The following MACF1 variants were observed in gnomAD, a reference collection of about 807,000 sequenced individuals.
The protein encoded by MACF1 is microtubule actin crosslinking factor 1, also known as microtubule-actin cross-linking factor 1.
MACF1 carries 193 observed loss-of-function variants against 854.8 expected under a neutral mutation model. The observed-to-expected ratio is 0.23, with a 90% CI of 0.20 to 0.25. The LOEUF is 0.25. MACF1 is among the 10% of genes least tolerant of loss of function. The pLI, the probability that MACF1 is intolerant of heterozygous loss-of-function variation, is 1.00. For synonymous variants in MACF1, 3,185 were observed against 3,226.7 expected (o/e 0.99, Z 0.44); for missense variants, 7,722 against 8,929.1 (o/e 0.86, Z 5.45).
At position 39,444,775 on chromosome 1, in the gene MACF1, G is replaced by C; in HGVS notation, c.19545G>C (p.Gln6515His). 5 of 1,614,070 alleles carry C rather than the reference G, an allele frequency of 3.1e-6. No homozygotes were observed. The highest frequency in any genetic ancestry group is 4.2e-6 in the Non-Finnish European group (5 of 1,179,910). The change falls in exon 80 of 101, where the codon CAG (glutamine) becomes CAC (histidine). Residue 6515 changes from glutamine to histidine, a missense_variant. Physicochemically the swap from Gln to His is conservative, Grantham distance 24. Around this residue, in one of 15 missense-constraint regions of MACF1, gnomAD observed 729 missense variants for 900.5 expected, o/e 0.81. Coordinates refer to ENST00000564288, the MANE Select transcript of MACF1 (RefSeq NM_001394062.1). ...CTGGGTCTGGCTCCAAGACAGAACA[G>C]AGTGTAGCACTTTTGGAGCAGAAGT... ...DDSGSGSKTE[Q>H]SVALLEQKWH...
At chr1:39,213,659 A>G (rs1221416532) in intron 1 of MACF1, among the ~76,000 whole-genome samples, 1 of 152,172 alleles carries the variant, frequency 6.6e-6, no homozygotes, top group Non-Finnish European at 1.5e-5. Flanking sequence ...TTTAAATCTG[A>G]TAAAGGAAGA....
At chr1:39,196,921 ATCT>A (rs1644326924) in intron 2 of MACF1, among the ~76,000 whole-genome samples, 1 of 152,220 alleles carries the variant, frequency 6.6e-6, no homozygotes. Flanking sequence ...AGAGAGGCAG[ATCT>A]AAAATCTTAA....
intron 44 of MACF1, among the ~76,000 whole-genome samples, chr1:39,353,653 G>A (rs1647283525): frequency 6.6e-6 from 1 of 151,824 alleles, no homozygotes; most frequent in Non-Finnish European, 1.5e-5. Flanking sequence ...CTGCCTATTT[G>A]CAACTTGGGC....
intron 6 of MACF1, among the ~76,000 whole-genome samples, chr1:39,259,051 G>A (rs1315166469): frequency 6.6e-6 from 1 of 152,148 alleles, no homozygotes; most frequent in African/African-American, 2.4e-5. Flanking sequence ...ACATGAACTT[G>A]GTAGGTGTGC....
At chr1:39,269,067 G>C (rs1645271814) in intron 6 of MACF1, 4 of 1,289,780 alleles carry the variant, frequency 3.1e-6, no homozygotes, top group Non-Finnish European at 4.0e-6. Flanking sequence ...CCTTTTGTTA[G>C]AGAATGAGTC....
intron 7 of MACF1, among the ~76,000 whole-genome samples, chr1:39,282,924 A>G (rs377718278): frequency 3.2e-4 from 49 of 152,340 alleles, no homozygotes; most frequent in Non-Finnish European, 5.3e-4. Flanking sequence ...GGTCATAAAC[A>G]TGCCCCAATT....
At chr1:39,163,357 A>G (rs1234430907) in intron 2 of MACF1, among the ~76,000 whole-genome samples, 1 of 149,496 alleles carries the variant, frequency 6.7e-6, no homozygotes, top group Admixed American at 6.7e-5. Flanking sequence ...AAAAAAAAAA[A>G]AAAGAAAAGA....
chr1:39,399,478 G>A lies in MACF1; in HGVS notation c.15816+10820G>A, dbSNP rs546820992. On this transcript the variant is annotated intron_variant, in intron 58 of 100. Coordinates refer to ENST00000564288, the MANE Select transcript of MACF1 (RefSeq NM_001394062.1). Reference sequence around the variant, plus strand: ...CAATTTCTGACTCCCAGGTTCAAGCGATTCTCTTGCCTCAGCCTCCCAAGT... The same window carrying A: ...CAATTTCTGACTCCCAGGTTCAAGCAATTCTCTTGCCTCAGCCTCCCAAGT... 1.5e-4 allele frequency among the ~76,000 whole-genome samples: 23 copies of A among 148,838 alleles called. No individual in the cohort carries two copies. In the South Asian group the frequency reaches 4.3e-3, roughly 28 times the overall value.
intron 60 of MACF1, 96 bp downstream of exon 60, chr1:39,422,996 G>A (rs1231220839): frequency 6.3e-6 from 7 of 1,116,164 alleles, no homozygotes; most frequent in Admixed American, 2.5e-5. Context: ...AGGAGTTTTA[G>A]TAGAATCCTA....
intron 2 of MACF1, among the ~76,000 whole-genome samples, chr1:39,192,401 T>A (rs1644264071): frequency 6.6e-6 from 1 of 152,130 alleles, no homozygotes; most frequent in Non-Finnish European, 1.5e-5. Flanking sequence ...TCTGCTATTT[T>A]CTCTATAAGG....
rs113586901 is a variant in MACF1 at position 39,339,512 on chromosome 1, G to A, written c.10216-990G>A. On this transcript the variant is annotated intron_variant, in intron 38 of 100. Transcript: ENST00000564288. ...CTTTGAACAGTTTCAGTGGAGTGAC[G>A]GGATATAAACTAACTTGCAGCTGGA... Among the ~76,000 whole-genome samples, 6 of 151,786 alleles carry A rather than the reference G, an allele frequency of 4.0e-5. No homozygotes were observed. In the East Asian group the frequency reaches 5.8e-4, roughly 15 times the overall value.
At chr1:39,210,464 A>T (rs1455831093) in intron 1 of MACF1, among the ~76,000 whole-genome samples, 1 of 150,680 alleles carries the variant, frequency 6.6e-6, no homozygotes, top group East Asian at 1.9e-4. Flanking sequence ...CCTCCCAAGT[A>T]GCTGGGACTA....
At position 39,486,044 on chromosome 1, in the gene MACF1, GA is replaced by G; in HGVS notation, c.*254del. ...AATGAAATATTTGAGAAAAACAAGT[GA>G]AAAGGTCAAGATACAAATGTGTATT... On this transcript the variant is annotated 3_prime_UTR_variant, in exon 101 of 101. Transcript: ENST00000564288. 3.1e-6 allele frequency: 1 copy of G among 327,160 alleles called. No homozygotes were observed. Among genetic ancestry groups the G allele is most frequent in the East Asian group, 5.0e-5 (1 of 20,178 alleles). The allele number at this position is 327,160 out of a possible 1,614,324, so 20.3% of individuals were successfully genotyped here.
rs141145877 is a variant in MACF1 at position 39,084,924 on chromosome 1, T to G, written c.220+486T>G. Among the ~76,000 whole-genome samples the G allele has an allele frequency of 4.4e-4, 67 of 152,336 alleles. No individual in the cohort carries two copies. Among genetic ancestry groups the G allele is most frequent in the Non-Finnish European group, 7.8e-4 (53 of 68,028 alleles). On this transcript the variant is annotated intron_variant, in intron 2 of 93. Coordinates refer to the MACF1 transcript ENST00000361689. This position sits in a 1 kb window ranked among gnomAD's most constrained non-coding sequence, Gnocchi z 5.2. ...ACATGGTTAAGAATGATTTGACTTCTGTTATTTCCTTATAATGAAATCCTT... is the reference window on the plus strand; with the variant it reads ...ACATGGTTAAGAATGATTTGACTTCGGTTATTTCCTTATAATGAAATCCTT...
intron 2 of MACF1, among the ~76,000 whole-genome samples, chr1:39,237,022 T>G (rs1362943979): frequency 2.0e-5 from 3 of 152,230 alleles, no homozygotes; most frequent in African/African-American, 7.2e-5. Flanking sequence ...CACCTAACTC[T>G]TTCCTGATGT....
intron 50 of MACF1, 125 bp downstream of exon 50, chr1:39,368,439 T>C: frequency 2.1e-6 from 2 of 968,890 alleles, no homozygotes; most frequent in Non-Finnish European, 3.0e-6. Context: ...TACTGAGTTG[T>C]AGGAGGGTGA....
At chr1:39,410,327 G>A (rs1340018594) in intron 58 of MACF1, 8 of 1,613,356 alleles carry the variant, frequency 5.0e-6, no homozygotes, top group Non-Finnish European at 6.8e-6. Context: ...CTGGGGAAAG[G>A]AGAGGAGGAG....
chr1:39,464,812 G>A, intron 94 of MACF1: 1 of 385,042 alleles, frequency 2.6e-6, no homozygotes. Flanking sequence ...TACTAGGGAG[G>A]CTGAGGCAGG....
chr1:39,264,151 T>G (rs1398762221), intron 6 of MACF1, among the ~76,000 whole-genome samples: 1 of 152,212 alleles, frequency 6.6e-6, no homozygotes, highest in Non-Finnish European at 1.5e-5. Flanking sequence ...TGTAACGTAT[T>G]ATTTAATTGT....
Sources: gnomAD v4.1 joint callset for allele counts (sites outside exome capture counted in the v4.1 genomes callset) on GRCh38, gnomAD v4.1.1 for gene constraint, gnomAD v4.1.1 regional missense constraint, Gnocchi (gnomAD v3.1) non-coding constraint, MANE v1.5 for transcripts, NCBI Gene and HGNC (gene_info 2026-07-23, HGNC 2026-07-21) for gene names.